Variants in SRPK2 observed in about 807,000 individuals in gnomAD.
The protein encoded by SRPK2 is SRSF protein kinase 2, also known as SFRS protein kinase 2.
Under a neutral mutation model 90.8 loss-of-function variants are expected in SRPK2, and 21 were observed. That is an observed-to-expected ratio of 0.23 (90% CI 0.16 to 0.33). The LOEUF is 0.33. SRPK2 is among the 10% of genes least tolerant of loss of function. The pLI, the probability that SRPK2 is intolerant of heterozygous loss-of-function variation, is 1.00. For missense variants in SRPK2, 620 were observed against 869.0 expected (o/e 0.71, Z 3.60); for synonymous variants, 288 against 311.1 (o/e 0.93, Z 0.78).
chr7:105,303,092 G>T (rs567305470), intron 2 of SRPK2, among the ~76,000 whole-genome samples: 8 of 151,954 alleles, frequency 5.3e-5, no homozygotes, highest in African/African-American at 1.7e-4. Flanking sequence ...AGGTGGGGGG[G>T]AGAAAATGTG....
intron 2 of SRPK2, among the ~76,000 whole-genome samples, chr7:105,308,968 G>A (rs1021665210): frequency 6.6e-6 from 1 of 151,970 alleles, no homozygotes; most frequent in African/African-American, 2.4e-5. Flanking sequence ...ATCCTGCTTA[G>A]GGCCCTTCAG....
chr7:105,317,207 A>C (rs1007688548), intron 2 of SRPK2, among the ~76,000 whole-genome samples: 1 of 152,226 alleles, frequency 6.6e-6, no homozygotes, highest in Non-Finnish European at 1.5e-5. Context: ...AGAATGGTGG[A>C]TTAAGCTGCT....
intron 1 of SRPK2, among the ~76,000 whole-genome samples, chr7:105,398,416 T>C (rs1822387554): frequency 1.4e-5 from 2 of 147,710 alleles, no homozygotes; most frequent in Admixed American, 1.4e-4. Context: ...GGAGTTTTGC[T>C]CTTGAAGCTC....
chr7:105,213,860 C>A (rs1797142632), intron 2 of SRPK2, among the ~76,000 whole-genome samples: 1 of 152,194 alleles, frequency 6.6e-6, no homozygotes, highest in South Asian at 2.1e-4. Flanking sequence ...AGATGTACCA[C>A]TTTACACAAG....
chr7:105,290,380 A>C (rs948495032), intron 2 of SRPK2, among the ~76,000 whole-genome samples: 3 of 152,136 alleles, frequency 2.0e-5, no homozygotes, highest in Non-Finnish European at 4.4e-5. Context: ...CTGTGGTCCC[A>C]GCTACTACCC....
chr7:105,333,396 T>G (rs1814680080), intron 2 of SRPK2, among the ~76,000 whole-genome samples: 1 of 152,192 alleles, frequency 6.6e-6, no homozygotes, highest in Non-Finnish European at 1.5e-5. Context: ...CTTCAAAAAT[T>G]TCTTATCTGA....
intron 15 of SRPK2, among the ~76,000 whole-genome samples, chr7:105,118,883 C>A (rs1385437764): frequency 1.3e-5 from 2 of 152,178 alleles, no homozygotes; most frequent in East Asian, 3.9e-4. Context: ...TGCACTCCAT[C>A]CTGGGACAGA....
chr7:105,228,672 G>A (rs1375884809), intron 2 of SRPK2, among the ~76,000 whole-genome samples: 1 of 152,164 alleles, frequency 6.6e-6, no homozygotes, highest in African/African-American at 2.4e-5. Context: ...CCTCACCTAG[G>A]CAGCGCCACA....
intron 2 of SRPK2, among the ~76,000 whole-genome samples, chr7:105,360,213 C>T (rs1818273918): frequency 6.6e-6 from 1 of 150,562 alleles, no homozygotes; most frequent in Admixed American, 6.7e-5. Context: ...CCCTGCTTTT[C>T]TCTGCTTTCC....
chr7:105,254,863 T>TG (rs1803027496), intron 2 of SRPK2, among the ~76,000 whole-genome samples: 1 of 119,574 alleles, frequency 8.4e-6, no homozygotes, highest in Non-Finnish European at 2.1e-5. Context: ...CTAATTTTTG[T>TG]ATTTTTAGTA....
upstream of SRPK2, among the ~76,000 whole-genome samples, chr7:105,391,535 A>G (rs1472486257): frequency 1.3e-5 from 2 of 152,102 alleles, no homozygotes; most frequent in Non-Finnish European, 2.9e-5. Context: ...ATAAGGCCAA[A>G]CGTGATGTCT....
chr7:105,210,995 C>A, intron 2 of SRPK2, among the ~76,000 whole-genome samples: 1 of 152,208 alleles, frequency 6.6e-6, no homozygotes, highest in East Asian at 1.9e-4. Flanking sequence ...GAAAAGAACT[C>A]TGAAGCTCAG....
intron 3 of SRPK2, among the ~76,000 whole-genome samples, chr7:105,179,170 T>C (rs1272082467): frequency 1.3e-5 from 2 of 152,242 alleles, no homozygotes; most frequent in African/African-American, 4.8e-5. Context: ...CCCTGCCTAC[T>C]ACCAATTACT....
intron 3 of SRPK2, among the ~76,000 whole-genome samples, chr7:105,197,477 C>T (rs1795056765): frequency 6.6e-6 from 1 of 152,226 alleles, no homozygotes; most frequent in Non-Finnish European, 1.5e-5. Context: ...CTCATGCCGA[C>T]ATGCCTTCCC....
chr7:105,244,166 T>G (rs578111161), intron 2 of SRPK2, among the ~76,000 whole-genome samples: 2 of 152,300 alleles, frequency 1.3e-5, no homozygotes, highest in Admixed American at 1.3e-4. Context: ...GAGACCCCAC[T>G]GAGTCCATGA....
chr7:105,260,506 C>T (rs1328313294), intron 2 of SRPK2, among the ~76,000 whole-genome samples: 1 of 152,106 alleles, frequency 6.6e-6, no homozygotes. Flanking sequence ...CTAGAAATAC[C>T]ATTTGACCCA....
chr7:105,329,629 C>T (rs1474271015), intron 2 of SRPK2, among the ~76,000 whole-genome samples: 4 of 150,874 alleles, frequency 2.7e-5, no homozygotes, highest in South Asian at 2.1e-4. Context: ...GGAAACAGAA[C>T]AAAGAGCAGC....
chr7:105,139,195 A>C (rs1436405319), intron 11 of SRPK2, among the ~76,000 whole-genome samples: 1 of 152,196 alleles, frequency 6.6e-6, no homozygotes, highest in Non-Finnish European at 1.5e-5. Flanking sequence ...TCGGGTGAGC[A>C]TACTGCAAAG....
At chr7:105,304,586 A>T (rs769139477) in intron 2 of SRPK2, among the ~76,000 whole-genome samples, 1 of 152,262 alleles carries the variant, frequency 6.6e-6, no homozygotes, top group East Asian at 1.9e-4. Flanking sequence ...GCATGTATGC[A>T]TACTAAAGTA....
Sources: gnomAD v4.1 joint callset for allele counts (sites outside exome capture counted in the v4.1 genomes callset) on GRCh38, gnomAD v4.1.1 for gene constraint, MANE v1.5 for transcripts, NCBI Gene and HGNC (gene_info 2026-07-23, HGNC 2026-07-21) for gene names.